DOCK10: variants seen among roughly 807,000 people sequenced by gnomAD.
DOCK10 encodes dedicator of cytokinesis 10.
Under a neutral mutation model 280.1 loss-of-function variants are expected in DOCK10, and 145 were observed. The ratio of observed to expected loss-of-function variants is 0.52; its 90% CI spans 0.45 to 0.59. The LOEUF is 0.59. Ranked by LOEUF, DOCK10 falls within the 20% of genes least tolerant of loss-of-function variation. DOCK10 has a pLI of 0.00. For missense variants in DOCK10, 2,368 were observed against 2,651.7 expected, an observed-to-expected ratio of 0.89 and a Z score of 2.35; for synonymous variants, 915 against 942.2, an observed-to-expected ratio of 0.97 and a Z score of 0.53.
At chr2:224,828,517 A>T (rs1409425112) in intron 27 of DOCK10, among the ~76,000 whole-genome samples, 1 of 152,210 alleles carries the variant, frequency 6.6e-6, no homozygotes, top group Non-Finnish European at 1.5e-5. Flanking sequence ...CCACCAGTGT[A>T]TCAAGTTCCC....
chr2:224,773,368 G>A (rs375052942), intron 52 of DOCK10, 21 bp from the exon 53 acceptor site: 1 of 1,590,924 alleles, frequency 6.3e-7, no homozygotes, highest in Non-Finnish European at 8.6e-7. Context: ...GCCATACAAA[G>A]GGATTTCAAG....
chr2:224,770,093 T>G lies in DOCK10; in HGVS notation c.6444+118A>C. On this transcript the variant is annotated intron_variant, in intron 55 of 55. Coordinates refer to ENST00000258390, the MANE Select transcript of DOCK10 (RefSeq NM_014689.3). This position sits in a 1 kb window ranked among gnomAD's most constrained non-coding sequence, Gnocchi z 4.5. ...CGGGAGAGAGAACAGATCAGCAACA[T>G]GGTGCTGATGCAGTGATTTCTGCAG... 1 of 1,184,616 alleles carries G rather than the reference T, an allele frequency of 8.4e-7. No homozygotes were observed. The highest frequency in any genetic ancestry group is 1.1e-6 in the Non-Finnish European group (1 of 888,132). 73.4% of individuals were successfully genotyped at this position (1,184,616 alleles called of 1,614,324 possible).
intron 1 of DOCK10, among the ~76,000 whole-genome samples, chr2:224,944,610 T>C (rs952402819): frequency 1.3e-5 from 2 of 152,190 alleles, no homozygotes; most frequent in African/African-American, 2.4e-5. Context: ...CAAGGTCATA[T>C]AGATGGCAGG....
At chr2:224,960,540 A>C (rs1194933591) in intron 1 of DOCK10, among the ~76,000 whole-genome samples, 1 of 152,098 alleles carries the variant, frequency 6.6e-6, no homozygotes, top group African/African-American at 2.4e-5. Flanking sequence ...CATTTCTTCC[A>C]TATGTCCTTT....
chr2:224,993,232 C>A (rs1706180236), intron 1 of DOCK10, among the ~76,000 whole-genome samples: 2 of 143,644 alleles, frequency 1.4e-5, no homozygotes, highest in South Asian at 4.5e-4. Flanking sequence ...GTCCAACAGA[C>A]CTGAATTTAC....
chr2:224,811,255 G>A (rs780482450), intron 31 of DOCK10, among the ~76,000 whole-genome samples: 7 of 152,036 alleles, frequency 4.6e-5, no homozygotes, highest in African/African-American at 7.2e-5. Flanking sequence ...GCATTTTTTC[G>A]TGTGTTTTTT....
At chr2:224,780,562 C>G (rs923859277) in intron 50 of DOCK10, among the ~76,000 whole-genome samples, 1 of 152,028 alleles carries the variant, frequency 6.6e-6, no homozygotes, top group African/African-American at 2.4e-5. Context: ...TGACAAATTT[C>G]CGAATCTAGA....
At chr2:224,886,604 A>T in intron 4 of DOCK10, 73 bp from the exon 5 acceptor site, 1 of 1,145,810 alleles carries the variant, frequency 8.7e-7, no homozygotes, top group Non-Finnish European at 1.3e-6. Context: ...CTCCCCAGGT[A>T]ACAATAACAA....
At chr2:224,790,422 A>G (rs1692095395) in intron 47 of DOCK10, among the ~76,000 whole-genome samples, 1 of 152,182 alleles carries the variant, frequency 6.6e-6, no homozygotes, top group African/African-American at 2.4e-5. Flanking sequence ...ACTAACTGAG[A>G]CATTGCTGGT....
chr2:224,988,226 T>G (rs114093287), intron 1 of DOCK10, among the ~76,000 whole-genome samples: 2,140 of 152,268 alleles, frequency 0.014, 25 homozygotes, highest in Non-Finnish European at 0.022. Flanking sequence ...CACGGTACCC[T>G]GTAGGTTTCC....
intron 28 of DOCK10, among the ~76,000 whole-genome samples, chr2:224,820,990 T>C (rs1188465735): frequency 6.6e-6 from 1 of 152,158 alleles, no homozygotes; most frequent in Non-Finnish European, 1.5e-5. Context: ...AGTGTCTAAA[T>C]AGGTATGTTC....
intron 1 of DOCK10, among the ~76,000 whole-genome samples, chr2:224,968,444 A>C (rs1704899557): frequency 6.6e-6 from 1 of 152,108 alleles, no homozygotes; most frequent in African/African-American, 2.4e-5. Context: ...CCCTCTCCCT[A>C]ATTTCCCACT....
At chr2:225,037,529 T>A (rs1449911745) in intron 1 of DOCK10, among the ~76,000 whole-genome samples, 1 of 152,208 alleles carries the variant, frequency 6.6e-6, no homozygotes, top group African/African-American at 2.4e-5. Flanking sequence ...CCCTCCAGTT[T>A]TCTATTCAAA....
chr2:225,017,494 T>C (rs762858353), intron 1 of DOCK10, among the ~76,000 whole-genome samples: 4 of 148,584 alleles, frequency 2.7e-5, no homozygotes, highest in Admixed American at 6.7e-5. Context: ...GACTGACTGA[T>C]TGATTGGTTG....
intron 2 of DOCK10, among the ~76,000 whole-genome samples, chr2:224,922,860 T>C (rs562142472): frequency 1.3e-5 from 2 of 152,332 alleles, no homozygotes; most frequent in Admixed American, 1.3e-4. Context: ...GTGTTTAAAG[T>C]AATCAATCAG....
At chr2:225,031,929 T>G (rs1043614200) in intron 1 of DOCK10, among the ~76,000 whole-genome samples, 4 of 152,178 alleles carry the variant, frequency 2.6e-5, no homozygotes, top group Non-Finnish European at 5.9e-5. Flanking sequence ...CCACTAGCCC[T>G]GTCCTCAGGA....
chr2:224,774,847 A>G (rs1447476397), intron 52 of DOCK10, 58 bp downstream of exon 52: 3 of 1,480,034 alleles, frequency 2.0e-6, no homozygotes, highest in African/African-American at 2.8e-5. Context: ...ATCCAGCCCT[A>G]TAAAGGGGCC....
chr2:224,938,334 T>C (rs950778014), intron 1 of DOCK10, among the ~76,000 whole-genome samples: 4 of 152,198 alleles, frequency 2.6e-5, no homozygotes, highest in Non-Finnish European at 5.9e-5. Context: ...GTGGCTTCTT[T>C]AGTTTTCAAA....
At chr2:224,808,296 C>T (rs1028720011) in intron 31 of DOCK10, among the ~76,000 whole-genome samples, 1 of 152,086 alleles carries the variant, frequency 6.6e-6, no homozygotes, top group African/African-American at 2.4e-5. Context: ...AATACAGGTA[C>T]AAACTAACAC....
Sources: gnomAD v4.1 joint callset for allele counts (sites outside exome capture counted in the v4.1 genomes callset) on GRCh38, gnomAD v4.1.1 for gene constraint, Gnocchi (gnomAD v3.1) non-coding constraint, MANE v1.5 for transcripts, NCBI Gene and HGNC (gene_info 2026-07-23, HGNC 2026-07-21) for gene names.